Variants in HTRA3 observed in about 807,000 individuals in gnomAD.
HTRA3 encodes serine protease HTRA3.
A neutral mutation model predicts 43.2 loss-of-function variants in HTRA3; 41 were observed. That is an observed-to-expected ratio of 0.95 (90% CI 0.74 to 1.23). HTRA3 has a LOEUF of 1.23. Ranked by LOEUF, HTRA3 falls within the 50% of genes most tolerant of loss-of-function variation. HTRA3 has a pLI of 0.00. For missense variants in HTRA3, 628 were observed against 647.1 expected (o/e 0.97, Z 0.32); for synonymous variants, 295 against 287.9 (o/e 1.02, Z -0.25).
intron 1 of HTRA3, among the ~76,000 whole-genome samples, chr4:8,280,655 T>C (rs1281756702): frequency 3.3e-5 from 5 of 151,900 alleles, no homozygotes; most frequent in Non-Finnish European, 7.4e-5. Context: ...GCCCTGCCCC[T>C]GGGGTGTTTG....
At position 8,295,904 on chromosome 4, in the gene HTRA3, C is replaced by G. The variant is rs1713437712; in HGVS notation, c.1051+1703C>G. 8.1e-7 allele frequency: 1 copy of G among 1,232,560 alleles called. No homozygotes were observed. 76.4% of individuals were successfully genotyped at this position (1,232,560 alleles called of 1,614,324 possible). Reference sequence around the variant, plus strand: ...CTGGAGCCAGGCAGAGCCTGTCTTTCCCAAAGAAGCTGAAGTCTTCTTCTC... The same window carrying G: ...CTGGAGCCAGGCAGAGCCTGTCTTTGCCAAAGAAGCTGAAGTCTTCTTCTC... On this transcript the variant is annotated intron_variant, in intron 6 of 8. Transcript: ENST00000307358. This position sits in a 1 kb window ranked among gnomAD's most constrained non-coding sequence, Gnocchi z 6.9.
intron 1 of HTRA3, among the ~76,000 whole-genome samples, chr4:8,271,947 G>C (rs996725542): frequency 5.3e-5 from 8 of 152,182 alleles, no homozygotes; most frequent in African/African-American, 1.9e-4. Flanking sequence ...TGAGGGGTGC[G>C]AGTGTGGGGC....
intron 3 of HTRA3, among the ~76,000 whole-genome samples, chr4:8,287,529 ATCT>A (rs560677413): frequency 0.019 from 2,805 of 151,602 alleles, 39 homozygotes; most frequent in Middle Eastern, 0.062. Flanking sequence ...AAGCAGGGAC[ATCT>A]TCTCATGGCA....
chr4:8,305,990 G>C lies in HTRA3; in HGVS notation c.1216G>C (p.Asp406His). The C allele has an allele frequency of 6.2e-7, 1 of 1,611,960 alleles. No homozygotes were observed. Among genetic ancestry groups the C allele is most frequent in the Non-Finnish European group, 8.5e-7 (1 of 1,179,542 alleles). Reference protein sequence around the residue: ...PSQRGGIQDGDIIVKVNGRPL... With the variant: ...PSQRGGIQDGHIIVKVNGRPL... ...TGGCAGAGGCGGCATCCAAGATGGTGACATCATCGTCAAGGTCAACGGGCG... is the reference window on the plus strand; with the variant it reads ...TGGCAGAGGCGGCATCCAAGATGGTCACATCATCGTCAAGGTCAACGGGCG... Residue 406 changes from aspartate to histidine, a missense_variant, in exon 9 of 9, where the codon GAC becomes CAC. Asp to His is a moderately conservative substitution (Grantham distance 81). Coordinates refer to ENST00000307358, the MANE Select transcript of HTRA3 (RefSeq NM_053044.5).
intron 5 of HTRA3, among the ~76,000 whole-genome samples, 190 bp downstream of exon 5, chr4:8,292,543 T>C (rs1713289836): frequency 6.6e-6 from 1 of 152,136 alleles, no homozygotes; most frequent in Non-Finnish European, 1.5e-5. Context: ...TCGGGGATGC[T>C]AGTGGCCACC....
Position 8,286,802 on chromosome 4 carries a change from A to AG in HTRA3, c.708+23dup, listed in dbSNP as rs748108060. The AG allele has an allele frequency of 3.2e-6, 5 of 1,584,216 alleles. No individual in the cohort carries two copies. Among genetic ancestry groups the AG allele is most frequent in the Non-Finnish European group, 4.3e-6 (5 of 1,155,590 alleles). ...TCCCAAGGTGGGTGGGCGTGGGTGG[A>AG]GGGGCGGAAGCACCTGGGGCTGGGC... On this transcript the variant is annotated intron_variant, in intron 3 of 8. Coordinates refer to ENST00000307358, the MANE Select transcript of HTRA3 (RefSeq NM_053044.5). This position sits in a 1 kb window ranked among gnomAD's most constrained non-coding sequence, Gnocchi z 4.9.
rs1354376674 is a variant in HTRA3, at chr4:8,304,272, T to G, written c.1189T>G (p.Ser397Ala). Residue 397 changes from serine (S) to alanine (A), a missense_variant, in exon 8 of 9, where the codon TCT (serine) becomes GCT (alanine). Ser to Ala is a moderately conservative substitution (Grantham distance 99, BLOSUM62 1). Transcript: ENST00000307358. ...YVQEVAPNSPSQRGGIQDGDI... is the reference protein window; with the variant it reads ...YVQEVAPNSPAQRGGIQDGDI... ...GCAAGAGGTTGCGCCGAATTCACCT[T>G]CTCAGAGGTAGGCTCTGCCAGAGGA... 1 of 1,613,678 alleles carries G rather than the reference T, an allele frequency of 6.2e-7. No individual in the cohort carries two copies. Among genetic ancestry groups the G allele is most frequent in the Non-Finnish European group, 8.5e-7 (1 of 1,179,682 alleles).
chr4:8,272,674 G>A (rs1712336919), intron 1 of HTRA3, among the ~76,000 whole-genome samples: 1 of 152,254 alleles, frequency 6.6e-6, no homozygotes, highest in African/African-American at 2.4e-5. Context: ...TCCAGAGGAG[G>A]CGCTTCTGTG....
In HTRA3 at chr4:8,295,476, C is replaced by T. The variant is rs920031236; in HGVS notation, c.1051+1275C>T. Among the ~76,000 whole-genome samples the T allele has an allele frequency of 2.6e-5, 4 of 152,234 alleles. No homozygotes were observed. The highest frequency in any genetic ancestry group is 4.4e-5 in the Non-Finnish European group (3 of 68,042). On this transcript the variant is annotated intron_variant, in intron 6 of 8. Coordinates refer to ENST00000307358, the MANE Select transcript of HTRA3 (RefSeq NM_053044.5). This position sits in a 1 kb window ranked among gnomAD's most constrained non-coding sequence, Gnocchi z 6.9. ...GCAACTCTCCCAAGTGAGAGCATGC[C>T]CATTGCCTCCTTAAGTGGGCAGTCG...
rs548870581 is a variant in HTRA3, at chr4:8,291,344, C to T, written c.709-26C>T. ...AAGGTAGACGGCTAAGCCTCCCTCTCTGTGTCTTCTCCTTCTCTCTCCTAG... is the reference window on the plus strand; with the variant it reads ...AAGGTAGACGGCTAAGCCTCCCTCTTTGTGTCTTCTCCTTCTCTCTCCTAG... On this transcript the variant is annotated intron_variant, in intron 3 of 8. Transcript: ENST00000307358. 13 of 1,603,702 alleles carry T rather than the reference C, an allele frequency of 8.1e-6. No homozygotes were observed. In the Admixed American group the frequency reaches 1.5e-4, roughly 19 times the overall value.
intron 7 of HTRA3, among the ~76,000 whole-genome samples, chr4:8,302,797 A>G (rs1005271641): frequency 2.6e-5 from 4 of 152,210 alleles, no homozygotes; most frequent in African/African-American, 9.7e-5. Context: ...GTTCCCTCTC[A>G]GTTCTGGAGG....
chr4:8,282,089 G>A (rs1274127951), intron 1 of HTRA3, among the ~76,000 whole-genome samples: 1 of 152,198 alleles, frequency 6.6e-6, no homozygotes. Context: ...GGACTAACCC[G>A]AGATCCAGCC....
chr4:8,277,916 C>T (rs1712593771), intron 1 of HTRA3, among the ~76,000 whole-genome samples: 1 of 152,178 alleles, frequency 6.6e-6, no homozygotes, highest in South Asian at 2.1e-4. Flanking sequence ...GGGGCAGGGA[C>T]CTTAGAGATG....
rs74518694 is a variant in HTRA3, at chr4:8,271,609, G to A, written c.385+1256G>A. 4.3e-4 allele frequency among the ~76,000 whole-genome samples: 65 copies of A among 152,320 alleles called. No individual in the cohort carries two copies. The East Asian group carries it at 8.3e-3, about 19-fold the overall frequency. On this transcript the variant is annotated intron_variant, in intron 1 of 8. Transcript: ENST00000307358. Reference sequence around the variant, plus strand: ...TATACAGGACAGAGATGTATTTCTCGCAGCTCTGGAGGCTGGAAAGTTCAA... The same window carrying A: ...TATACAGGACAGAGATGTATTTCTCACAGCTCTGGAGGCTGGAAAGTTCAA...
chr4:8,283,930 C>CCAAG (rs1186460587), intron 2 of HTRA3, among the ~76,000 whole-genome samples: 26 of 152,316 alleles, frequency 1.7e-4, no homozygotes, highest in African/African-American at 6.3e-4. Context: ...CTTGTCTGGT[C>CCAAG]CAAGCCCCTG....
intron 1 of HTRA3, 91 bp downstream of exon 1, chr4:8,270,444 C>T: frequency 7.6e-7 from 1 of 1,307,494 alleles, no homozygotes. Flanking sequence ...GGTCGCCCTT[C>T]CCTGGGCACC....
chr4:8,275,245 C>T (rs80037927), intron 1 of HTRA3, among the ~76,000 whole-genome samples: 4,583 of 152,304 alleles, frequency 0.03, 132 homozygotes, highest in African/African-American at 0.08. Flanking sequence ...ACCCCATCTG[C>T]CATCCTGTGG....
At chr4:8,302,581 AC>A in intron 7 of HTRA3, 70 bp downstream of exon 7, 2 of 1,486,338 alleles carry the variant, frequency 1.3e-6, no homozygotes, top group South Asian at 1.1e-5. Flanking sequence ...CTCCCTCCAG[AC>A]CCTGGCTGGC....
Position 8,296,361 on chromosome 4 carries a change from G to T in HTRA3, c.1051+2160G>T, listed in dbSNP as rs543463592. 184 of 985,450 alleles carry T rather than the reference G, an allele frequency of 1.9e-4. 1 individual carries two copies. The African/African-American group carries it at 3.1e-3, about 16-fold the overall frequency. The allele number at this position is 985,450 out of a possible 1,614,324, so 61.0% of individuals were successfully genotyped here. A position where few individuals can be genotyped will look rare whatever the true frequency, so the allele number is the denominator to read the frequency against. On this transcript the variant is annotated intron_variant, in intron 6 of 8. Coordinates refer to ENST00000307358, the MANE Select transcript of HTRA3 (RefSeq NM_053044.5). This position sits in a 1 kb window ranked among gnomAD's most constrained non-coding sequence, Gnocchi z 5.3. The stretch of plus-strand genomic sequence containing the variant: ...CCCAAGGACAGTGCAGACTAACTGA[G>T]GAGCCTGATAAACCTTAGCTGCATG...
Sources: gnomAD v4.1 joint callset for allele counts (sites outside exome capture counted in the v4.1 genomes callset) on GRCh38, gnomAD v4.1.1 for gene constraint, Gnocchi (gnomAD v3.1) non-coding constraint, MANE v1.5 for transcripts, NCBI Gene and HGNC (gene_info 2026-07-23, HGNC 2026-07-21) for gene names.